The following CPNE7 variants were observed in gnomAD, a reference collection of about 807,000 sequenced individuals.
The protein encoded by CPNE7 is copine 7.
A neutral mutation model predicts 66.5 loss-of-function variants in CPNE7; 78 were observed. The ratio of observed to expected loss-of-function variants is 1.17; its 90% CI spans 0.98 to 1.42. The LOEUF (loss-of-function observed/expected upper bound fraction) is 1.42, where lower values mean the gene tolerates loss of function less well. Among genes scored for constraint, CPNE7 ranks in the 40% most tolerant of loss-of-function variants. CPNE7 has a pLI of 0.00. For synonymous variants in CPNE7, 468 were observed against 336.7 expected (o/e 1.39, Z -4.27); for missense variants, 1,012 against 776.6 (o/e 1.30, Z -3.60).
intron 1 of CPNE7, among the ~76,000 whole-genome samples, chr16:89,576,337 C>T (rs1233244140): frequency 6.6e-6 from 1 of 151,784 alleles, no homozygotes; most frequent in African/African-American, 2.4e-5. Flanking sequence ...AGGGGTGCGG[C>T]CCAGGGTTCG....
rs745393139 is a variant in CPNE7 at position 89,584,809 on chromosome 16, C to T, written c.543C>T (p.Leu181=). 6.2e-7 allele frequency: 1 copy of T among 1,613,738 alleles called. No homozygotes were observed. Among genetic ancestry groups the T allele is most frequent in the South Asian group, 1.1e-5 (1 of 91,086 alleles). ...LFSKSDPFLE[L]YRVNDDQGLQ... is the part of the protein sequence containing the mutation. ...GCAAGTCCGACCCCTTCCTGGAGCT[C>T]TACAGGGTCAACGACGACCAGGGCT... Residue 181 remains leucine, a synonymous_variant, in exon 5 of 15, where the codon CTC becomes CTT. Transcript: ENST00000319518. The surrounding 1 kb of genome is among the most constrained non-coding windows in gnomAD (Gnocchi z 6.0).
chr16:89,595,696 G>T, intron 14 of CPNE7, 93 bp downstream of exon 14: 1 of 1,093,094 alleles, frequency 9.1e-7, no homozygotes, highest in Non-Finnish European at 1.4e-6. Flanking sequence ...TCACGCCAGT[G>T]GATGTGGCAG....
At position 89,589,947 on chromosome 16, in the gene CPNE7, A is replaced by G. The variant is rs776713744; in HGVS notation, c.1112A>G (p.Tyr371Cys). The G allele has an allele frequency of 6.2e-7, 1 of 1,613,492 alleles. No individual in the cohort carries two copies. The highest frequency in any genetic ancestry group is 1.3e-5 in the African/African-American group (1 of 74,928). ...LGFGARIPPK[Y>C]EVSHDFAINF... ...TTTGGAGCCCGGATCCCTCCCAAGT[A>G]TGAGGTAGGAGAGCCCAGAACCTGA... Residue 371 changes from tyrosine to cysteine, a missense_variant, in exon 11 of 15, where the codon TAT becomes TGT. By Grantham distance (194) the Tyr-to-Cys change is radical (BLOSUM62 -2). Transcript: ENST00000319518.
rs111573252 is a variant in CPNE7, at chr16:89,591,634, C to G, written c.1302+374C>G. Among the ~76,000 whole-genome samples the G allele has an allele frequency of 9.6e-3, 1,459 of 152,302 alleles. 23 individuals carry two copies. Among genetic ancestry groups the G allele is most frequent in the African/African-American group, 0.033 (1,356 of 41,562 alleles). Reference sequence around the variant, plus strand: ...ACGGTGCCGAGAACTGCACTGGATTCTACTCTGCCACCGTGTGGCCCTGTA... The same window carrying G: ...ACGGTGCCGAGAACTGCACTGGATTGTACTCTGCCACCGTGTGGCCCTGTA... On this transcript the variant is annotated intron_variant, in intron 13 of 14. Transcript: ENST00000319518.
At chr16:89,579,536 A>T (rs1475220465) in intron 2 of CPNE7, among the ~76,000 whole-genome samples, 3 of 147,518 alleles carry the variant, frequency 2.0e-5, no homozygotes, top group African/African-American at 7.6e-5. Flanking sequence ...ATCACTTGTC[A>T]CATCTCACCC....
intron 14 of CPNE7, 189 bp downstream of exon 14, chr16:89,595,792 C>G (rs764233531): frequency 1.4e-6 from 1 of 703,864 alleles, no homozygotes; most frequent in South Asian, 1.5e-5. Flanking sequence ...ACCTGAAACA[C>G]CCTCCACCGT....
rs408800 is a variant in CPNE7, at chr16:89,583,963, T to C, written c.433-65T>C. The C allele has an allele frequency of 4.4e-6, 7 of 1,577,218 alleles. No homozygotes were observed. In the Admixed American group the frequency reaches 1.3e-4, roughly 29 times the overall value. ...GTGGGGTCAGCCAGCCTGGGGCCTC[T>C]GGTCCCCCACGGTGGGGTCAGGCCC... is the stretch of plus-strand genomic sequence containing the variant. On this transcript the variant is annotated intron_variant, in intron 3 of 14. Transcript: ENST00000319518.
In CPNE7 at chr16:89,584,864, G is replaced by T. The variant is rs375453188; in HGVS notation, c.591+7G>T. 2.5e-6 allele frequency: 4 copies of T among 1,612,022 alleles called. No homozygotes were observed. In the Admixed American group the frequency reaches 5.0e-5, roughly 20 times the overall value. ...GCTGGTGTACAGGACGGAGGTGAGC[G>T]GCCGGGGATGGGAACACAGGGAGGG... On this transcript the variant is annotated splice_region_variant and intron_variant, in intron 5 of 14. Transcript: ENST00000319518. The surrounding 1 kb of genome is among the most constrained non-coding windows in gnomAD (Gnocchi z 6.0).
At chr16:89,585,142 G>C (rs1163915551) in intron 5 of CPNE7, among the ~76,000 whole-genome samples, 1 of 152,258 alleles carries the variant, frequency 6.6e-6, no homozygotes, top group Non-Finnish European at 1.5e-5. Flanking sequence ...CGACGGCAGG[G>C]AGAGAGTGCT....
At chr16:89,583,940 G>A (rs1329591469) in intron 3 of CPNE7, 88 bp from the exon 4 acceptor site, 3 of 1,530,102 alleles carry the variant, frequency 2.0e-6, no homozygotes, top group Non-Finnish European at 1.8e-6. Flanking sequence ...CCCGCTGGGT[G>A]GGGTCAGCCA....
chr16:89,580,832 G>A (rs62068674), intron 2 of CPNE7, among the ~76,000 whole-genome samples: 8,682 of 114,080 alleles, frequency 0.076, 429 homozygotes, highest in Admixed American at 0.15. Context: ...GGAACATCCC[G>A]TCACCCATCA....
intron 1 of CPNE7, 109 bp downstream of exon 1, chr16:89,576,180 GGC>G (rs1251431708): frequency 1.0e-6 from 1 of 984,344 alleles, no homozygotes; most frequent in Non-Finnish European, 1.3e-6. Flanking sequence ...CGCAAGGCGG[GGC>G]CCCCCGGAGC....
In CPNE7 at chr16:89,586,775, C is replaced by G. The variant is rs202003487; in HGVS notation, c.867+19C>G. The G allele has an allele frequency of 1.9e-6, 3 of 1,600,234 alleles. No homozygotes were observed. Among genetic ancestry groups the G allele is most frequent in the Non-Finnish European group, 2.6e-6 (3 of 1,168,336 alleles). On this transcript the variant is annotated intron_variant, in intron 8 of 14. Transcript: ENST00000319518. ...CCTCAAGGTGAGAGGTGGCTGTGCC[C>G]GAAGCCTCCCCACCCACAAGAGGGG...
rs2058852712 is a variant in CPNE7 at position 89,575,914 on chromosome 16, A to G, written c.17A>G (p.Glu6Gly). The G allele has an allele frequency of 8.0e-7, 1 of 1,246,338 alleles. No individual in the cohort carries two copies. Among genetic ancestry groups the G allele is most frequent in the Non-Finnish European group, 1.0e-6 (1 of 994,428 alleles). The allele number at this position is 1,246,338 out of a possible 1,614,324, so 77.2% of individuals were successfully genotyped here. A position where few individuals can be genotyped will look rare whatever the true frequency, so the allele number is the denominator to read the frequency against. MSAGS[E>G]RGAAATPGGL... is the part of the protein sequence containing the mutation. Reference sequence around the variant, plus strand: ...GCCGGGAGCATGAGCGCGGGCTCGGAGCGCGGGGCGGCGGCAACCCCCGGG... The same window carrying G: ...GCCGGGAGCATGAGCGCGGGCTCGGGGCGCGGGGCGGCGGCAACCCCCGGG... The change falls in exon 1 of 15, where the codon GAG (glutamate) becomes GGG (glycine). Residue 6 changes from glutamate (E) to glycine (G), a missense_variant. Glu to Gly is a moderately conservative substitution (Grantham distance 98). Transcript: ENST00000319518.
chr16:89,587,776 A>C (rs1170605306), intron 9 of CPNE7: 1 of 34,232 alleles, frequency 2.9e-5, no homozygotes, highest in South Asian at 2.5e-4. Flanking sequence ...ACCCACAGAA[A>C]CACGGCCCCC....
chr16:89,595,845 A>G (rs1293286910), intron 14 of CPNE7: 3 of 650,732 alleles, frequency 4.6e-6, no homozygotes, highest in East Asian at 3.0e-5. Flanking sequence ...GAACAGCACA[A>G]GGGGCTCCTG....
At chr16:89,595,984 G>T (rs564764082) in intron 14 of CPNE7, 1 of 496,292 alleles carries the variant, frequency 2.0e-6, no homozygotes, top group Non-Finnish European at 3.9e-6. Context: ...CCGGTGAGAC[G>T]CACAGCACAC....
intron 2 of CPNE7, 87 bp from the exon 3 acceptor site, chr16:89,583,610 G>C: frequency 1.9e-6 from 3 of 1,607,594 alleles, no homozygotes; most frequent in East Asian, 4.5e-5. Context: ...GGACAGGCCT[G>C]AGAGTCCGGG....
chr16:89,582,036 T>A (rs1181572291), intron 2 of CPNE7, among the ~76,000 whole-genome samples: 1 of 152,194 alleles, frequency 6.6e-6, no homozygotes, highest in African/African-American at 2.4e-5. Context: ...ACACACAGGG[T>A]CCGTGTGGAC....
Sources: gnomAD v4.1 joint callset for allele counts (sites outside exome capture counted in the v4.1 genomes callset) on GRCh38, gnomAD v4.1.1 for gene constraint, Gnocchi (gnomAD v3.1) non-coding constraint, MANE v1.5 for transcripts, NCBI Gene and HGNC (gene_info 2026-07-23, HGNC 2026-07-21) for gene names.